The following MED12L variants were observed in gnomAD, a reference collection of about 807,000 sequenced individuals.
The protein encoded by MED12L is mediator complex subunit 12L.
In MED12L, 60 loss-of-function variants were observed where a neutral mutation model predicts 281.3. The ratio of observed to expected loss-of-function variants is 0.21; its 90% CI spans 0.17 to 0.26. The LOEUF (loss-of-function observed/expected upper bound fraction) is 0.26. Among genes scored for constraint, MED12L ranks in the 10% least tolerant of loss-of-function variants. MED12L has a pLI of 1.00. For missense variants in MED12L, 2,146 were observed against 2,680.9 expected (o/e 0.80, Z 4.41); for synonymous variants, 974 against 987.2 (o/e 0.99, Z 0.25).
chr3:151,292,288 C>CTTTTTTTTTTTTTTT (rs35742538), intron 16 of MED12L, among the ~76,000 whole-genome samples: 63 of 139,842 alleles, frequency 4.5e-4, no homozygotes, highest in African/African-American at 1.7e-3. Context: ...AATATTGCTC[C>CTTTTTTTTTTTTTTT]TTTTTTTTTT....
chr3:151,318,793 G>A (rs1167021493), intron 16 of MED12L, among the ~76,000 whole-genome samples: 1 of 152,182 alleles, frequency 6.6e-6, no homozygotes, highest in Non-Finnish European at 1.5e-5. Flanking sequence ...GTGCGAAGAA[G>A]GGCTTGTGAG....
At chr3:151,199,143 G>C (rs1725140304) in intron 16 of MED12L, 4 of 1,613,964 alleles carry the variant, frequency 2.5e-6, no homozygotes, top group Non-Finnish European at 3.4e-6. Context: ...AATATCTTCA[G>C]CTTCCAAGGT....
chr3:151,309,159 A>G (rs1291376976), intron 16 of MED12L, among the ~76,000 whole-genome samples: 1 of 150,942 alleles, frequency 6.6e-6, no homozygotes, highest in Non-Finnish European at 1.5e-5. Context: ...ACACACACAC[A>G]ACGTTTCTTC....
rs1310598167 is a variant in MED12L, at chr3:151,350,303, G to A, written c.2398+97G>A. ...AGTGTTCTATGTCACTGTCAACAGA[G>A]CGTTTCCCCTCCTGAATGACTCTCA... On this transcript the variant is annotated intron_variant, in intron 17 of 44. Transcript: ENST00000687756. The A allele has an allele frequency of 7.6e-6, 9 of 1,177,900 alleles. No individual in the cohort carries two copies. The East Asian group carries it at 2.3e-4, about 30-fold the overall frequency. The allele number at this position is 1,177,900 out of a possible 1,614,324, so 73.0% of individuals were successfully genotyped here.
intron 43 of MED12L, among the ~76,000 whole-genome samples, chr3:151,428,725 T>C (rs1355081418): frequency 6.6e-6 from 1 of 152,140 alleles, no homozygotes; most frequent in Non-Finnish European, 1.5e-5. Flanking sequence ...AAGACAGGAT[T>C]GCCACATAAA....
At chr3:151,240,425 T>C (rs558642503) in intron 16 of MED12L, among the ~76,000 whole-genome samples, 1 of 152,358 alleles carries the variant, frequency 6.6e-6, no homozygotes, top group African/African-American at 2.4e-5. Context: ...CCATTTTAAT[T>C]GAATAGCTGC....
At chr3:151,309,139 ACG>A (rs56275632) in intron 16 of MED12L, among the ~76,000 whole-genome samples, 104 of 96,344 alleles carry the variant, frequency 1.1e-3, no homozygotes, top group African/African-American at 1.4e-3. Context: ...ACACACACAC[ACG>A]CACACACACA....
intron 5 of MED12L, among the ~76,000 whole-genome samples, chr3:151,155,644 C>A: frequency 6.6e-6 from 1 of 152,164 alleles, no homozygotes; most frequent in South Asian, 2.1e-4. Context: ...TAAAGACTGA[C>A]AAAAACAAAC....
chr3:151,128,481 C>A (rs1714868599), intron 5 of MED12L, among the ~76,000 whole-genome samples: 1 of 152,202 alleles, frequency 6.6e-6, no homozygotes, highest in African/African-American at 2.4e-5. Flanking sequence ...CTGCCCCCAC[C>A]CCCGGCTCCC....
rs983820202 is a variant in MED12L, at chr3:151,291,320, C to G, written c.2251-58739C>G. ...TGCATTCCCTTAGGCACCACATTCT[C>G]TTGAAACGATGGTTGAGAAACAAAA... On this transcript the variant is annotated intron_variant, in intron 16 of 44. Transcript: ENST00000687756. Among the ~76,000 whole-genome samples the G allele has an allele frequency of 3.7e-4, 56 of 151,774 alleles. 1 individual carries two copies. The highest frequency in any genetic ancestry group is 1.1e-3 in the African/African-American group (47 of 41,424).
chr3:151,295,508 T>C (rs1045007843), intron 16 of MED12L, among the ~76,000 whole-genome samples: 8 of 152,138 alleles, frequency 5.3e-5, no homozygotes, highest in Non-Finnish European at 1.2e-4. Context: ...CGATTCTTAC[T>C]CCCATGTTTG....
In MED12L at chr3:151,292,585, T is replaced by C. The variant is rs559760674; in HGVS notation, c.2251-57474T>C. Among the ~76,000 whole-genome samples, 90 of 151,998 alleles carry C rather than the reference T, an allele frequency of 5.9e-4. 1 individual carries two copies. The highest frequency in any genetic ancestry group is 3.2e-4 in the Non-Finnish European group (22 of 67,990). On this transcript the variant is annotated intron_variant, in intron 16 of 44. Coordinates refer to ENST00000687756, the MANE Select transcript of MED12L (RefSeq NM_001393769.1). ...TGCGCGCAGCTTGCTCCTCTTCTTT[T>C]TTTTGAGATGGAATTTTGCTCTTGT...
intron 2 of MED12L, among the ~76,000 whole-genome samples, chr3:151,102,915 C>T (rs917858336): frequency 6.6e-6 from 1 of 152,202 alleles, no homozygotes; most frequent in African/African-American, 2.4e-5. Context: ...AAAGGAGCTA[C>T]ATAGTGGCTA....
chr3:151,142,395 A>G (rs1717150509), intron 5 of MED12L, among the ~76,000 whole-genome samples: 2 of 152,378 alleles, frequency 1.3e-5, no homozygotes, highest in South Asian at 2.1e-4. Context: ...TGCTTAAAGC[A>G]TAAACAAGAG....
intron 16 of MED12L, among the ~76,000 whole-genome samples, chr3:151,296,388 C>A (rs531215846): frequency 1.1e-3 from 169 of 152,278 alleles, no homozygotes; most frequent in Non-Finnish European, 1.7e-3. Flanking sequence ...GTGGATCCAC[C>A]ACCACATTCT....
intron 32 of MED12L, among the ~76,000 whole-genome samples, chr3:151,381,011 G>A (rs1383824940): frequency 6.6e-6 from 1 of 152,278 alleles, no homozygotes; most frequent in Non-Finnish European, 1.5e-5. Flanking sequence ...GAAATAATTT[G>A]GACATTGCCT....
intron 21 of MED12L, 42 bp downstream of exon 21, chr3:151,360,647 C>T: frequency 6.4e-7 from 1 of 1,563,540 alleles, no homozygotes; most frequent in Non-Finnish European, 8.7e-7. Flanking sequence ...AGGATCATGC[C>T]TATGTTTGTT....
At chr3:151,403,362 C>T (rs1325767078) in intron 39 of MED12L, among the ~76,000 whole-genome samples, 1 of 152,108 alleles carries the variant, frequency 6.6e-6, no homozygotes, top group Non-Finnish European at 1.5e-5. Flanking sequence ...TGAGCTCTTG[C>T]TTCTCTCTGT....
At chr3:151,263,892 G>T (rs1239470958) in intron 16 of MED12L, among the ~76,000 whole-genome samples, 1 of 152,194 alleles carries the variant, frequency 6.6e-6, no homozygotes, top group African/African-American at 2.4e-5. Flanking sequence ...TGAAGTCAGT[G>T]CAGGGTAAAG....
Sources: allele counts gnomAD v4.1 joint callset (sites outside exome capture counted in the v4.1 genomes callset), GRCh38; gene constraint gnomAD v4.1.1; transcripts MANE v1.5; gene names NCBI Gene and HGNC (gene_info 2026-07-23, HGNC 2026-07-21).